The following SLC11A2 variants were observed in gnomAD, a reference collection of about 807,000 sequenced individuals.
SLC11A2 encodes solute carrier family 11 member 2.
A neutral mutation model predicts 68.0 loss-of-function variants in SLC11A2; 38 were observed. That is an observed-to-expected ratio of 0.56 (90% CI 0.43 to 0.73). The LOEUF is 0.73. Ranked by LOEUF, SLC11A2 falls within the 30% of genes least tolerant of loss-of-function variation. The probability of loss-of-function intolerance (pLI) is 0.00; values close to 1 mark genes in which losing one functional copy is unlikely to be tolerated. For missense variants in SLC11A2, 517 were observed against 690.5 expected, an observed-to-expected ratio of 0.75 and a Z score of 2.82; for synonymous variants, 242 against 250.6, an observed-to-expected ratio of 0.97 and a Z score of 0.32.
chr12:51,023,007 T>C (rs1944147710), intron 1 of SLC11A2, among the ~76,000 whole-genome samples: 2 of 152,382 alleles, frequency 1.3e-5, no homozygotes, highest in Admixed American at 6.5e-5. Context: ...TATTCCATTA[T>C]GATTTCATTA....
chr12:50,995,569 C>A lies in SLC11A2; in HGVS notation c.990+60G>T, dbSNP rs1194842311. ...GGATGAGGTATTTTCCTTCCCCATC[C>A]CATTGCAGTCTTCACTTTACCCTCA... On this transcript the variant is annotated intron_variant, in intron 10 of 15. Transcript: ENST00000262052. The A allele has an allele frequency of 2.7e-6, 4 of 1,504,138 alleles. No homozygotes were observed. In the African/African-American group the frequency reaches 5.5e-5, roughly 21 times the overall value. The allele number at this position is 1,504,138 out of a possible 1,614,324, so 93.2% of individuals were successfully genotyped here.
chr12:50,991,719 C>A, intron 13 of SLC11A2, 47 bp from the exon 14 acceptor site: 2 of 1,411,684 alleles, frequency 1.4e-6, no homozygotes, highest in Non-Finnish European at 2.0e-6. Context: ...GTCCTTGTAT[C>A]ACCCTAGAGA....
Position 51,017,359 on chromosome 12 carries a change from T to C in SLC11A2, c.-38-6593A>G, listed in dbSNP as rs1044597293. 2.0e-5 allele frequency among the ~76,000 whole-genome samples: 3 copies of C among 152,162 alleles called. No homozygotes were observed. The South Asian group carries it at 6.2e-4, about 32-fold the overall frequency. ...ACAATCTCTAAAATATTACATGTTG[T>C]CAAGTCAAAAGACCAATTTGTTGAG... On this transcript the variant is annotated intron_variant, in intron 1 of 15. Coordinates refer to ENST00000262052, the MANE Select transcript of SLC11A2 (RefSeq NM_000617.3).
In SLC11A2 at chr12:51,010,775, G is replaced by A. The variant is rs1368987197; in HGVS notation, c.-38-9C>T. ...GTTCTTAGAATATGATTCTGGAAAGGAGAAAAGTGAGGGAGAAGAATTAGG... is the reference window on the plus strand; with the variant it reads ...GTTCTTAGAATATGATTCTGGAAAGAAGAAAAGTGAGGGAGAAGAATTAGG... On this transcript the variant is annotated splice_polypyrimidine_tract_variant and intron_variant, in intron 1 of 15. Transcript: ENST00000262052. 1 of 1,547,050 alleles carries A rather than the reference G, an allele frequency of 6.5e-7. No individual in the cohort carries two copies. Among genetic ancestry groups the A allele is most frequent in the Non-Finnish European group, 8.9e-7 (1 of 1,123,120 alleles).
intron 1 of SLC11A2, among the ~76,000 whole-genome samples, chr12:51,015,085 G>C (rs1419124941): frequency 6.6e-6 from 1 of 151,220 alleles, no homozygotes; most frequent in Non-Finnish European, 1.5e-5. Flanking sequence ...GCTTGAACCC[G>C]GGAGGTGGAG....
At chr12:50,952,737 C>T in the SLC11A2 span, among the ~76,000 whole-genome samples, 6 of 152,336 alleles carry the variant, frequency 3.9e-5, no homozygotes, top group East Asian at 7.7e-4. Flanking sequence ...GGGCTCTCAT[C>T]GCCTCAGCCG....
chr12:51,010,797 T>G (rs778331192), intron 1 of SLC11A2, 31 bp from the exon 2 acceptor site: 1 of 1,293,478 alleles, frequency 7.7e-7, no homozygotes, highest in African/African-American at 1.5e-5. Context: ...GGAGAAGAAT[T>G]AGGAAGAACA....
the SLC11A2 span, among the ~76,000 whole-genome samples, chr12:50,970,885 A>AT: frequency 3.5e-4 from 53 of 151,298 alleles, no homozygotes; most frequent in African/African-American, 8.0e-4. Context: ...ATTTTATTTT[A>AT]TTTTATTTTT....
downstream of SLC11A2, chr12:50,985,845 T>C: frequency 2.7e-6 from 2 of 746,060 alleles, no homozygotes; most frequent in Non-Finnish European, 1.7e-6. Context: ...TTTATTTCTC[T>C]ATCCTTTCTA....
Position 50,986,548 on chromosome 12 carries a change from G to C in SLC11A2, c.*1777C>G, listed in dbSNP as rs1565978156. 1 of 1,287,014 alleles carries C rather than the reference G, an allele frequency of 7.8e-7. No homozygotes were observed. Among genetic ancestry groups the C allele is most frequent in the Non-Finnish European group, 1.0e-6 (1 of 988,632 alleles). 79.7% of individuals were successfully genotyped at this position (1,287,014 alleles called of 1,614,324 possible). A position where few individuals can be genotyped will look rare whatever the true frequency, so the allele number is the denominator to read the frequency against. On this transcript the variant is annotated 3_prime_UTR_variant, in exon 16 of 16. Transcript: ENST00000262052. ...ACCCAGACCCAGGGCAAAGATACATGTTACCATATCATCTTTATAAAGAAT... is the reference window on the plus strand; with the variant it reads ...ACCCAGACCCAGGGCAAAGATACATCTTACCATATCATCTTTATAAAGAAT...
At chr12:51,028,161 T>G (rs1253714737), upstream of SLC11A2, 23 of 1,521,182 alleles carry the variant, frequency 1.5e-5, no homozygotes, top group Middle Eastern at 1.7e-4. Flanking sequence ...CTGGGCAGCT[T>G]CCCTGGGCTA....
chr12:50,999,412 A>T lies in SLC11A2; in HGVS notation c.540T>A (p.Ile180=), dbSNP rs773710858. 2 of 1,612,026 alleles carry T rather than the reference A, an allele frequency of 1.2e-6. No homozygotes were observed. The highest frequency in any genetic ancestry group is 4.5e-5 in the East Asian group (2 of 44,878). ...IAINLLSVGR[I]PLWGGVLITI... ...TGATGAGAACGCCACCCCACAGAGG[A>T]ATTCTAGGTCAGAGATGAGATATGG... Residue 180 remains isoleucine, a synonymous_variant, in exon 7 of 16, where the codon ATT becomes ATA. Transcript: ENST00000262052.
intron 5 of SLC11A2, 53 bp from the exon 6 acceptor site, chr12:51,000,472 T>C: frequency 1.4e-6 from 2 of 1,403,304 alleles, no homozygotes; most frequent in South Asian, 1.2e-5. Flanking sequence ...TTCTAAAAAA[T>C]TCCTCCACAA....
At position 50,988,194 on chromosome 12, in the gene SLC11A2, C is replaced by A. The variant is rs1326607173; in HGVS notation, c.*131G>T. The A allele has an allele frequency of 1.9e-6, 3 of 1,553,292 alleles. No homozygotes were observed. The highest frequency in any genetic ancestry group is 2.6e-6 in the Non-Finnish European group (3 of 1,150,102). The stretch of plus-strand genomic sequence containing the variant: ...CTTTCAAATACACATGAAACAAAGT[C>A]TTTTCCAACCAACGGTTGAGTCATA... On this transcript the variant is annotated 3_prime_UTR_variant, in exon 16 of 16. Coordinates refer to ENST00000262052, the MANE Select transcript of SLC11A2 (RefSeq NM_000617.3).
the SLC11A2 span, among the ~76,000 whole-genome samples, chr12:50,958,698 A>G: frequency 2.0e-5 from 3 of 150,914 alleles, no homozygotes; most frequent in African/African-American, 7.4e-5. Context: ...GGTCAAATGC[A>G]GGGATTAATG....
Position 50,992,959 on chromosome 12 carries a change from T to C in SLC11A2, c.1078-30A>G, listed in dbSNP as rs1941321151. On this transcript the variant is annotated intron_variant, in intron 11 of 15. Transcript: ENST00000262052. ...GAGAGGCCAAGAGGAAGGATATGAT[T>C]GTGGCAATAATCTGCTCAGACAATA... 3.1e-6 allele frequency: 5 copies of C among 1,613,392 alleles called. No individual in the cohort carries two copies. In the East Asian group the frequency reaches 1.1e-4, roughly 36 times the overall value.
the SLC11A2 span, among the ~76,000 whole-genome samples, chr12:50,972,027 G>T: frequency 6.6e-6 from 1 of 152,284 alleles, no homozygotes. Flanking sequence ...TGGAAAATAG[G>T]CAAGGAAAGA....
chr12:51,009,703 T>C (rs984805263), intron 2 of SLC11A2, among the ~76,000 whole-genome samples: 1 of 152,208 alleles, frequency 6.6e-6, no homozygotes. Context: ...CCCTGTATTT[T>C]ACTGCTCCAT....
At chr12:50,982,661 C>T (rs1043580998), downstream of SLC11A2, among the ~76,000 whole-genome samples, 2 of 151,922 alleles carry the variant, frequency 1.3e-5, no homozygotes, top group African/African-American at 2.4e-5. Context: ...AAAACAATTC[C>T]GACTGGGCAC....
Sources: allele counts gnomAD v4.1 joint callset (sites outside exome capture counted in the v4.1 genomes callset), GRCh38; gene constraint gnomAD v4.1.1; transcripts MANE v1.5; gene names NCBI Gene and HGNC (gene_info 2026-07-23, HGNC 2026-07-21).